Variants in ME2 observed in about 807,000 individuals in gnomAD.
ME2 encodes NAD-dependent malic enzyme, mitochondrial.
Under a neutral mutation model 73.7 loss-of-function variants are expected in ME2, and 60 were observed. The observed-to-expected ratio is 0.81, with a 90% CI of 0.66 to 1.01. The LOEUF (loss-of-function observed/expected upper bound fraction) is 1.01. Ranked by LOEUF, ME2 falls within the 50% of genes least tolerant of loss-of-function variation. The pLI, the probability that ME2 is intolerant of heterozygous loss-of-function variation, is 0.00. For synonymous variants in ME2, 199 were observed against 236.9 expected (o/e 0.84, Z 1.47); for missense variants, 594 against 705.5 (o/e 0.84, Z 1.79).
At chr18:50,911,309 A>G (rs563650288) in intron 3 of ME2, among the ~76,000 whole-genome samples, 16 of 152,214 alleles carry the variant, frequency 1.1e-4, no homozygotes, top group Admixed American at 6.5e-5. Flanking sequence ...CATTTCTTCC[A>G]CTATTAGCTA....
Position 50,947,700 on chromosome 18 carries a change from A to G in ME2, c.*516A>G, listed in dbSNP as rs1918120395. ...TTACCTTCATACTCTGAAATTCCCT[A>G]TAGCAGACAGAGCTAGGGAAATATT... On this transcript the variant is annotated 3_prime_UTR_variant, in exon 16 of 16. Coordinates refer to ENST00000321341, the MANE Select transcript of ME2 (RefSeq NM_002396.5). 1 of 152,420 alleles carries G rather than the reference A, an allele frequency of 6.6e-6. No homozygotes were observed. Among genetic ancestry groups the G allele is most frequent in the Non-Finnish European group, 1.5e-5 (1 of 68,202 alleles). The allele number at this position is 152,420 out of a possible 1,614,324, so 9.4% of individuals were successfully genotyped here.
chr18:50,918,615 G>A (rs1229710674), intron 7 of ME2, among the ~76,000 whole-genome samples: 1 of 151,766 alleles, frequency 6.6e-6, no homozygotes, highest in Non-Finnish European at 1.5e-5. Context: ...GTCAACTCAG[G>A]TTTTCCCACT....
intron 13 of ME2, chr18:50,933,833 A>G (rs978247887): frequency 1.3e-5 from 2 of 152,090 alleles, no homozygotes; most frequent in Admixed American, 1.3e-4. Context: ...ACCCTTAAGT[A>G]GGCCCCAGTG....
intron 2 of ME2, among the ~76,000 whole-genome samples, chr18:50,900,356 G>A (rs1365415668): frequency 1.3e-5 from 2 of 151,454 alleles, no homozygotes; most frequent in East Asian, 1.9e-4. Flanking sequence ...GTGCAGTGGC[G>A]TGATCTCGGC....
chr18:50,888,885 A>T (rs628918), intron 1 of ME2, among the ~76,000 whole-genome samples: 47,932 of 151,814 alleles, frequency 0.32, 7,993 homozygotes, highest in Non-Finnish European at 0.38. Flanking sequence ...AATTTTTTTT[A>T]AACTGATGCA....
intron 1 of ME2, among the ~76,000 whole-genome samples, chr18:50,892,700 C>A (rs114881987): frequency 1.3e-3 from 195 of 152,132 alleles, no homozygotes; most frequent in Middle Eastern, 3.4e-3. Flanking sequence ...TTGATTGTCT[C>A]AGATTTTCTA....
At chr18:50,910,440 G>GAAAAAAAA (rs1207940247) in intron 3 of ME2, among the ~76,000 whole-genome samples, 1 of 80,344 alleles carries the variant, frequency 1.2e-5, no homozygotes. Flanking sequence ...CCCTGTCTCA[G>GAAAAAAAA]AAAAAAAAAA....
intron 13 of ME2, chr18:50,934,214 C>T (rs1041437679): frequency 2.0e-5 from 3 of 152,018 alleles, no homozygotes; most frequent in Admixed American, 6.6e-5. Flanking sequence ...ATTGCTGGGT[C>T]GAATGGTTGT....
At chr18:50,907,579 C>T (rs2144216319) in intron 2 of ME2, among the ~76,000 whole-genome samples, 1 of 152,260 alleles carries the variant, frequency 6.6e-6, no homozygotes, top group South Asian at 2.1e-4. Flanking sequence ...TTAATTTTTT[C>T]TTAAGCATCA....
chr18:50,880,971 A>G (rs867480213), intron 1 of ME2, among the ~76,000 whole-genome samples: 3 of 152,218 alleles, frequency 2.0e-5, no homozygotes, highest in African/African-American at 7.2e-5. Flanking sequence ...ATGTATGTAT[A>G]ATCTGTATAT....
intron 15 of ME2, among the ~76,000 whole-genome samples, chr18:50,943,762 G>A (rs1346436789): frequency 6.6e-6 from 1 of 152,156 alleles, no homozygotes; most frequent in Non-Finnish European, 1.5e-5. Flanking sequence ...ATTAAAGCCA[G>A]CTGTACAAAT....
At chr18:50,899,432 C>T (rs1916833564) in intron 2 of ME2, among the ~76,000 whole-genome samples, 1 of 152,070 alleles carries the variant, frequency 6.6e-6, no homozygotes. Context: ...TGGTCTCTAC[C>T]AGCCTGAACT....
At chr18:50,935,783 G>A (rs1414923695) in intron 13 of ME2, 1 of 148,438 alleles carries the variant, frequency 6.7e-6, no homozygotes, top group Non-Finnish European at 1.5e-5. Context: ...GAGTGAATGA[G>A]GCTTATGGCA....
intron 2 of ME2, among the ~76,000 whole-genome samples, chr18:50,907,342 C>G (rs920495524): frequency 1.3e-5 from 2 of 152,110 alleles, no homozygotes; most frequent in African/African-American, 4.8e-5. Flanking sequence ...TGAAATCCAG[C>G]CATTTTTCCT....
At chr18:50,886,971 A>G (rs1370778498) in intron 1 of ME2, among the ~76,000 whole-genome samples, 1 of 152,168 alleles carries the variant, frequency 6.6e-6, no homozygotes, top group Non-Finnish European at 1.5e-5. Flanking sequence ...ACTGCACTCC[A>G]GCCTGTGTGA....
At chr18:50,927,367 A>G (rs1338117822) in intron 12 of ME2, among the ~76,000 whole-genome samples, 1 of 152,092 alleles carries the variant, frequency 6.6e-6, no homozygotes, top group Non-Finnish European at 1.5e-5. Context: ...GTAGAAAAGT[A>G]TTACAGTGTA....
At chr18:50,936,082 G>T (rs923491207) in intron 13 of ME2, among the ~76,000 whole-genome samples, 1 of 151,984 alleles carries the variant, frequency 6.6e-6, no homozygotes, top group Non-Finnish European at 1.5e-5. Flanking sequence ...ACATTATTGT[G>T]AGGCTTCAGA....
intron 3 of ME2, 74 bp from the exon 4 acceptor site, chr18:50,912,727 T>C (rs1026562045): frequency 1.3e-5 from 16 of 1,231,256 alleles, no homozygotes; most frequent in Non-Finnish European, 1.6e-5. Flanking sequence ...GACATTTAGG[T>C]TTAACTTTCA....
intron 1 of ME2, among the ~76,000 whole-genome samples, chr18:50,881,191 G>A (rs1393647982): frequency 6.6e-6 from 1 of 152,124 alleles, no homozygotes; most frequent in African/African-American, 2.4e-5. Context: ...ACCATGCCCG[G>A]CTAATTTGTG....
Sources: gnomAD v4.1 joint callset for allele counts (sites outside exome capture counted in the v4.1 genomes callset) on GRCh38, gnomAD v4.1.1 for gene constraint, MANE v1.5 for transcripts, NCBI Gene and HGNC (gene_info 2026-07-23, HGNC 2026-07-21) for gene names.